The following DERA variants were observed in gnomAD, a reference collection of about 807,000 sequenced individuals.
The protein encoded by DERA is 2-deoxy-D-ribose 5-phosphate aldolase.
DERA carries 15 observed loss-of-function variants against 41.1 expected under a neutral mutation model. That is an observed-to-expected ratio of 0.37 (90% confidence interval 0.24 to 0.56). The LOEUF (loss-of-function observed/expected upper bound fraction) is 0.56. DERA is among the 20% of genes least tolerant of loss of function. The probability of loss-of-function intolerance (pLI) is 0.81; values close to 1 mark genes in which losing one functional copy is unlikely to be tolerated. For synonymous variants in DERA, 139 were observed against 137.4 expected (o/e 1.01, Z -0.08); for missense variants, 396 against 403.4 (o/e 0.98, Z 0.16).
chr12:16,009,788 T>A lies in DERA; in HGVS notation c.638-22754T>A, dbSNP rs144212769. Among the ~76,000 whole-genome samples, 41 of 152,286 alleles carry A rather than the reference T, an allele frequency of 2.7e-4. 1 individual carries two copies. The highest frequency in any genetic ancestry group is 9.4e-4 in the African/African-American group (39 of 41,572). ...ATGTACTCTAAGGGGAGGAAATAAA[T>A]GCCACACTCAAAGCAATTATACAGG... On this transcript the variant is annotated intron_variant, in intron 6 of 8. Coordinates refer to ENST00000428559, the MANE Select transcript of DERA (RefSeq NM_015954.4). The surrounding 1 kb of genome is among the most constrained non-coding windows in gnomAD (Gnocchi z 5.3).
intron 4 of DERA, among the ~76,000 whole-genome samples, chr12:15,961,534 G>A (rs1053410821): frequency 6.6e-6 from 1 of 152,088 alleles, no homozygotes; most frequent in African/African-American, 2.4e-5. Flanking sequence ...AATTTAAAAG[G>A]AGTTTATAAA....
At chr12:15,925,715 G>A (rs553695737) in intron 1 of DERA, among the ~76,000 whole-genome samples, 2 of 152,122 alleles carry the variant, frequency 1.3e-5, no homozygotes, top group Non-Finnish European at 2.9e-5. Flanking sequence ...CCTGTGGGAG[G>A]TGCAGTGCAA....
At chr12:15,939,682 C>A (rs1948395668) in intron 1 of DERA, among the ~76,000 whole-genome samples, 1 of 151,056 alleles carries the variant, frequency 6.6e-6, no homozygotes, top group Admixed American at 6.6e-5. Context: ...CATTTAAAGG[C>A]CTCATTTAGA....
At chr12:15,977,064 A>G (rs1024873383) in intron 5 of DERA, among the ~76,000 whole-genome samples, 6 of 152,344 alleles carry the variant, frequency 3.9e-5, no homozygotes, top group Middle Eastern at 3.4e-3. Flanking sequence ...TGTATTATAC[A>G]AAATTTAGTA....
rs1343787552 is a variant in DERA at position 15,931,326 on chromosome 12, A to T, written c.31+19912A>T. Among the ~76,000 whole-genome samples the T allele has an allele frequency of 6.6e-6, 1 of 152,190 alleles. No individual in the cohort carries two copies. The highest frequency in any genetic ancestry group is 1.5e-5 in the Non-Finnish European group (1 of 68,040). On this transcript the variant is annotated intron_variant, in intron 1 of 8. Transcript: ENST00000428559. The surrounding 1 kb of genome is among the most constrained non-coding windows in gnomAD (Gnocchi z 4.6). The stretch of plus-strand genomic sequence containing the variant: ...GTTCTTCATCTAGTAGTTTTCATTG[A>T]GAGGAAAGAGTTAAGTGGATTTTCT...
At position 15,993,612 on chromosome 12, in the gene DERA, G is replaced by A. The variant is rs536955545; in HGVS notation, c.637+11176G>A. 1.4e-4 allele frequency among the ~76,000 whole-genome samples: 22 copies of A among 152,152 alleles called. No homozygotes were observed. The highest frequency in any genetic ancestry group is 5.3e-4 in the African/African-American group (22 of 41,512). On this transcript the variant is annotated intron_variant, in intron 6 of 8. Coordinates refer to ENST00000428559, the MANE Select transcript of DERA (RefSeq NM_015954.4). This position sits in a 1 kb window ranked among gnomAD's most constrained non-coding sequence, Gnocchi z 4.4. ...AAGACCATAGTTTGTATTGGGTTAA[G>A]AGATAAAAGATTTAAAGTGTACATT...
chr12:15,976,187 G>A lies in DERA; in HGVS notation c.509-6121G>A, dbSNP rs914611435. Among the ~76,000 whole-genome samples the A allele has an allele frequency of 2.6e-5, 4 of 151,852 alleles. No homozygotes were observed. Among genetic ancestry groups the A allele is most frequent in the Admixed American group, 1.3e-4 (2 of 15,234 alleles). ...TTCCATATTTATACCCCTTCTTCCCGTCAGTGAGATATCTTGCTCCCATTA... is the reference window on the plus strand; with the variant it reads ...TTCCATATTTATACCCCTTCTTCCCATCAGTGAGATATCTTGCTCCCATTA... On this transcript the variant is annotated intron_variant, in intron 5 of 8. Coordinates refer to ENST00000428559, the MANE Select transcript of DERA (RefSeq NM_015954.4). The surrounding 1 kb of genome is among the most constrained non-coding windows in gnomAD (Gnocchi z 4.1).
At position 16,003,215 on chromosome 12, in the gene DERA, G is replaced by A. The variant is rs1948887635; in HGVS notation, c.637+20779G>A. Among the ~76,000 whole-genome samples the A allele has an allele frequency of 6.6e-6, 1 of 152,086 alleles. No individual in the cohort carries two copies. The highest frequency in any genetic ancestry group is 2.4e-5 in the African/African-American group (1 of 41,402). ...TGGTCTCTGCCTTTGTGATGATATGGTGTTCTTCATGTTGTATGTCTGTCT... is the reference window on the plus strand; with the variant it reads ...TGGTCTCTGCCTTTGTGATGATATGATGTTCTTCATGTTGTATGTCTGTCT... On this transcript the variant is annotated intron_variant, in intron 6 of 8. Coordinates refer to ENST00000428559, the MANE Select transcript of DERA (RefSeq NM_015954.4). This position sits in a 1 kb window ranked among gnomAD's most constrained non-coding sequence, Gnocchi z 4.8.
intron 6 of DERA, among the ~76,000 whole-genome samples, chr12:16,007,817 T>C (rs1029051701): frequency 5.9e-5 from 9 of 151,808 alleles, no homozygotes; most frequent in African/African-American, 2.2e-4. Flanking sequence ...ATTTTCTGTA[T>C]ATTGATAATG....
At position 16,003,577 on chromosome 12, in the gene DERA, T is replaced by A. The variant is rs922922967; in HGVS notation, c.637+21141T>A. Among the ~76,000 whole-genome samples the A allele has an allele frequency of 1.3e-5, 2 of 152,286 alleles. No homozygotes were observed. The highest frequency in any genetic ancestry group is 2.9e-5 in the Non-Finnish European group (2 of 68,014). Reference sequence around the variant, plus strand: ...GGTTTGGGTTAGAGAAGCCTACTACTGTAGGCTAGATGCCAACTAAAAACA... The same window carrying A: ...GGTTTGGGTTAGAGAAGCCTACTACAGTAGGCTAGATGCCAACTAAAAACA... On this transcript the variant is annotated intron_variant, in intron 6 of 8. Coordinates refer to ENST00000428559, the MANE Select transcript of DERA (RefSeq NM_015954.4). The surrounding 1 kb of genome is among the most constrained non-coding windows in gnomAD (Gnocchi z 4.8).
intron 1 of DERA, among the ~76,000 whole-genome samples, chr12:15,955,261 T>G (rs544196581): frequency 3.6e-4 from 55 of 150,714 alleles, no homozygotes; most frequent in African/African-American, 9.8e-4. Context: ...ATCGTACCAC[T>G]GCATTCCAGC....
intron 5 of DERA, among the ~76,000 whole-genome samples, chr12:15,975,605 A>G (rs779927668): frequency 6.6e-6 from 1 of 152,258 alleles, no homozygotes; most frequent in Non-Finnish European, 1.5e-5. Context: ...ACTATGAACT[A>G]TAAACTAAGT....
At chr12:15,948,365 C>T (rs61241162) in intron 1 of DERA, among the ~76,000 whole-genome samples, 5,134 of 151,872 alleles carry the variant, frequency 0.034, 328 homozygotes, top group African/African-American at 0.12. Flanking sequence ...TTGGTCTTTT[C>T]ACATAGTCCC....
rs1948650442 is a variant in DERA, at chr12:15,970,182, G to C, written c.508+7235G>C. Among the ~76,000 whole-genome samples, 1 of 152,132 alleles carries C rather than the reference G, an allele frequency of 6.6e-6. No individual in the cohort carries two copies. The highest frequency in any genetic ancestry group is 6.5e-5 in the Admixed American group (1 of 15,270). Reference sequence around the variant, plus strand: ...ACAATTTTATATTAAGTGTTTTACTGTACATATAATTATCTTAAGAGTTAT... The same window carrying C: ...ACAATTTTATATTAAGTGTTTTACTCTACATATAATTATCTTAAGAGTTAT... On this transcript the variant is annotated intron_variant, in intron 5 of 8. Coordinates refer to ENST00000428559, the MANE Select transcript of DERA (RefSeq NM_015954.4). This position sits in a 1 kb window ranked among gnomAD's most constrained non-coding sequence, Gnocchi z 4.3.
In DERA at chr12:15,999,372, G is replaced by A. The variant is rs144759362; in HGVS notation, c.637+16936G>A. On this transcript the variant is annotated intron_variant, in intron 6 of 8. Transcript: ENST00000428559. This position sits in a 1 kb window ranked among gnomAD's most constrained non-coding sequence, Gnocchi z 5.3. ...CATTATCTCTTAGTGTGGTGAAGAA[G>A]TGAAAAATAGGGTTTATGATTTGTC... 2.4e-3 allele frequency among the ~76,000 whole-genome samples: 364 copies of A among 152,340 alleles called. 2 individuals carry two copies. Among genetic ancestry groups the A allele is most frequent in the African/African-American group, 8.3e-3 (347 of 41,584 alleles).
chr12:15,970,892 A>G lies in DERA; in HGVS notation c.508+7945A>G, dbSNP rs1948654926. On this transcript the variant is annotated intron_variant, in intron 5 of 8. Coordinates refer to ENST00000428559, the MANE Select transcript of DERA (RefSeq NM_015954.4). The surrounding 1 kb of genome is among the most constrained non-coding windows in gnomAD (Gnocchi z 4.3). ...TTAGCTTCTGGGGATTACATTCTTC[A>G]GGTAAGAAGTGAAAATAGAGAATAA... Among the ~76,000 whole-genome samples the G allele has an allele frequency of 6.6e-6, 1 of 152,210 alleles. No homozygotes were observed. Among genetic ancestry groups the G allele is most frequent in the African/African-American group, 2.4e-5 (1 of 41,440 alleles).
chr12:15,986,136 C>A (rs1260178555), intron 6 of DERA, among the ~76,000 whole-genome samples: 1 of 152,088 alleles, frequency 6.6e-6, no homozygotes, highest in Non-Finnish European at 1.5e-5. Flanking sequence ...GTCTGAATGT[C>A]TACTAATGAT....
In DERA at chr12:16,020,955, G is replaced by A. The variant is rs996245365; in HGVS notation, c.638-11587G>A. Among the ~76,000 whole-genome samples, 40 of 152,210 alleles carry A rather than the reference G, an allele frequency of 2.6e-4. No individual in the cohort carries two copies. Among genetic ancestry groups the A allele is most frequent in the African/African-American group, 7.5e-4 (31 of 41,446 alleles). On this transcript the variant is annotated intron_variant, in intron 6 of 8. Coordinates refer to ENST00000428559, the MANE Select transcript of DERA (RefSeq NM_015954.4). This position sits in a 1 kb window ranked among gnomAD's most constrained non-coding sequence, Gnocchi z 5.5. ...TAACAGCCTACAGTCACATGCTGGA[G>A]CAAAGGAATTACTTAATGTGAGAAC...
Position 15,915,243 on chromosome 12 carries a change from T to TA in DERA, c.31+3832dup, listed in dbSNP as rs992738821. 4.6e-5 allele frequency among the ~76,000 whole-genome samples: 7 copies of TA among 152,242 alleles called. No individual in the cohort carries two copies. The highest frequency in any genetic ancestry group is 4.4e-5 in the Non-Finnish European group (3 of 68,040). On this transcript the variant is annotated intron_variant, in intron 1 of 8. Coordinates refer to ENST00000428559, the MANE Select transcript of DERA (RefSeq NM_015954.4). This position sits in a 1 kb window ranked among gnomAD's most constrained non-coding sequence, Gnocchi z 4.8. The stretch of plus-strand genomic sequence containing the variant: ...AGATAGATGTACCTAGACTGTGCTT[T>TA]AAATGGGTTGTGAAAACAGAATGTC...
Sources: gnomAD v4.1 joint callset for allele counts (sites outside exome capture counted in the v4.1 genomes callset) on GRCh38, gnomAD v4.1.1 for gene constraint, Gnocchi (gnomAD v3.1) non-coding constraint, MANE v1.5 for transcripts, NCBI Gene and HGNC (gene_info 2026-07-23, HGNC 2026-07-21) for gene names.